COL5A1: variants seen among roughly 807,000 people sequenced by gnomAD.
The protein encoded by COL5A1 is collagen type V alpha 1 chain.
COL5A1 carries 16 observed loss-of-function variants against 263.7 expected under a neutral mutation model. The observed-to-expected ratio is 0.06, with a 90% confidence interval of 0.04 to 0.09. The LOEUF (loss-of-function observed/expected upper bound fraction) is 0.09. Among genes scored for constraint, COL5A1 ranks in the 10% least tolerant of loss-of-function variants. COL5A1 has a pLI of 1.00. For missense variants in COL5A1, 2,036 were observed against 2,540.5 expected (o/e 0.80, Z 4.27); for synonymous variants, 1,012 against 1,004.5 (o/e 1.01, Z -0.14).
At chr9:134,781,400 G>A (rs998784678) in intron 28 of COL5A1, among the ~76,000 whole-genome samples, 2 of 152,240 alleles carry the variant, frequency 1.3e-5, no homozygotes, top group South Asian at 2.1e-4. Context: ...CGTGGAGCCC[G>A]TCGGGGCTTC....
intron 1 of COL5A1, among the ~76,000 whole-genome samples, chr9:134,679,301 G>A (rs1231644400): frequency 1.4e-5 from 2 of 147,008 alleles, no homozygotes; most frequent in Non-Finnish European, 3.0e-5. Flanking sequence ...CTGGTTGGGG[G>A]TACTGTGGGG....
chr9:134,825,717 AC>A, intron 62 of COL5A1, 74 bp from the exon 63 acceptor site: 6 of 943,644 alleles, frequency 6.4e-6, no homozygotes, highest in Non-Finnish European at 1.0e-5. Flanking sequence ...CTGAAATGTC[AC>A]AGCGGCTTCC....
chr9:134,790,043 T>C (rs1837613487), intron 32 of COL5A1, among the ~76,000 whole-genome samples: 1 of 152,152 alleles, frequency 6.6e-6, no homozygotes, highest in Non-Finnish European at 1.5e-5. Context: ...ACCTGCCTTG[T>C]AGCCCCAGCC....
At chr9:134,725,159 G>T (rs1834602040) in intron 4 of COL5A1, among the ~76,000 whole-genome samples, 1 of 152,144 alleles carries the variant, frequency 6.6e-6, no homozygotes, top group African/African-American at 2.4e-5. Context: ...GGTCCTCCAA[G>T]TTCTTTTCCC....
chr9:134,710,044 G>A (rs529767031), intron 4 of COL5A1, among the ~76,000 whole-genome samples: 179 of 152,304 alleles, frequency 1.2e-3, no homozygotes, highest in African/African-American at 3.2e-3. Context: ...CTTTAGCACC[G>A]TGGCCAAGGG....
At chr9:134,809,343 TG>T in intron 43 of COL5A1, 53 bp downstream of exon 43, 1 of 1,364,642 alleles carries the variant, frequency 7.3e-7, no homozygotes, top group Non-Finnish European at 1.0e-6. Context: ...CAGACGGGTG[TG>T]GGGGAGGGTG....
At chr9:134,654,106 G>T (rs1831800819) in intron 1 of COL5A1, among the ~76,000 whole-genome samples, 1 of 139,286 alleles carries the variant, frequency 7.2e-6, no homozygotes, top group African/African-American at 2.7e-5. Context: ...AGGACTGGGA[G>T]TGTGTAGGGC....
chr9:134,737,591 C>T (rs1476466608), intron 9 of COL5A1, among the ~76,000 whole-genome samples: 1 of 152,230 alleles, frequency 6.6e-6, no homozygotes, highest in African/African-American at 2.4e-5. Context: ...ACACGGAGGA[C>T]TCTTGGGGCA....
chr9:134,692,112 G>A (rs977548953), intron 2 of COL5A1, among the ~76,000 whole-genome samples: 2 of 152,198 alleles, frequency 1.3e-5, no homozygotes, highest in Non-Finnish European at 2.9e-5. Flanking sequence ...GAGAGAATCT[G>A]GGCAGTTCTT....
In COL5A1 at chr9:134,658,556, C is replaced by G. The variant is rs186302036; in HGVS notation, c.109+16260C>G. Reference sequence around the variant, plus strand: ...CCCCTTCCTGCAGCTAGGGCCTGGCCGATTACAAACAGCTGCCTAGCCCTC... The same window carrying G: ...CCCCTTCCTGCAGCTAGGGCCTGGCGGATTACAAACAGCTGCCTAGCCCTC... On this transcript the variant is annotated intron_variant, in intron 1 of 65. Transcript: ENST00000371817. Among the ~76,000 whole-genome samples, 81 of 152,296 alleles carry G rather than the reference C, an allele frequency of 5.3e-4. No individual in the cohort carries two copies. In the East Asian group the frequency reaches 0.01, roughly 19 times the overall value.
At chr9:134,814,389 C>G (rs751342727) in intron 49 of COL5A1, among the ~76,000 whole-genome samples, 9 of 152,206 alleles carry the variant, frequency 5.9e-5, no homozygotes, top group Non-Finnish European at 7.3e-5. Context: ...TGAATGTTCA[C>G]TATGAGGCCA....
At chr9:134,800,654 AGAATCGCTT>A (rs1230492011) in intron 37 of COL5A1, among the ~76,000 whole-genome samples, 1 of 149,580 alleles carries the variant, frequency 6.7e-6, no homozygotes, top group East Asian at 2.0e-4. Context: ...CTGAGGCAGG[AGAATCGCTT>A]GAATCCGGGA....
At position 134,794,912 on chromosome 9, in the gene COL5A1, C is replaced by A. The variant is rs556953389; in HGVS notation, c.2701-170C>A. On this transcript the variant is annotated intron_variant, in intron 32 of 65. Transcript: ENST00000371817. The surrounding 1 kb of genome is among the most constrained non-coding windows in gnomAD (Gnocchi z 4.3). ...TGTGTCGGGTGTGCGGTGAGCTTCT[C>A]GCCCTGATAAATCTCCTATTAAAAC... 6.6e-5 allele frequency among the ~76,000 whole-genome samples: 10 copies of A among 152,172 alleles called. No homozygotes were observed. Among genetic ancestry groups the A allele is most frequent in the African/African-American group, 2.4e-4 (10 of 41,424 alleles).
rs77827838 is a variant in COL5A1 at position 134,754,715 on chromosome 9, G to T, written c.1827+389G>T. On this transcript the variant is annotated intron_variant, in intron 16 of 65. Coordinates refer to ENST00000371817, the MANE Select transcript of COL5A1 (RefSeq NM_000093.5). This position sits in a 1 kb window ranked among gnomAD's most constrained non-coding sequence, Gnocchi z 4.3. ...CGGGGGCATGGGCGGGCCTTCCTGC[G>T]CCTTACCTGCTGTCTTGCCTCCTGG... Among the ~76,000 whole-genome samples the T allele has an allele frequency of 0.024, 3,609 of 152,218 alleles. 143 individuals carry two copies. The highest frequency in any genetic ancestry group is 0.073 in the African/African-American group (3,051 of 41,514).
intron 36 of COL5A1, among the ~76,000 whole-genome samples, chr9:134,798,146 C>T (rs1006883732): frequency 1.1e-4 from 16 of 152,172 alleles, no homozygotes; most frequent in Middle Eastern, 3.2e-3. Context: ...TCTTATGCCT[C>T]GGTTTCTCCC....
At chr9:134,802,767 T>C in intron 38 of COL5A1, 121 bp from the exon 39 acceptor site, 3 of 768,748 alleles carry the variant, frequency 3.9e-6, no homozygotes, top group Non-Finnish European at 4.5e-6. Context: ...CTTGGAGGTT[T>C]GGTGTGCCCG....
At position 134,732,350 on chromosome 9, in the gene COL5A1, G is replaced by A. The variant is rs890621569; in HGVS notation, c.1389+223G>A. 3 of 637,674 alleles carry A rather than the reference G, an allele frequency of 4.7e-6. No individual in the cohort carries two copies. In the Admixed American group the frequency reaches 6.8e-5, roughly 14 times the overall value. 39.5% of individuals were successfully genotyped at this position (637,674 alleles called of 1,614,324 possible). On this transcript the variant is annotated intron_variant, in intron 9 of 65. Coordinates refer to ENST00000371817, the MANE Select transcript of COL5A1 (RefSeq NM_000093.5). ...GTTCTGGACTGTGATGGAGGGGGCG[G>A]GATAGGTGCTGATCAAAGCCGGTCC... is the stretch of plus-strand genomic sequence containing the variant.
intron 63 of COL5A1, 129 bp downstream of exon 63, chr9:134,826,033 G>GA: frequency 1.7e-6 from 1 of 598,306 alleles, no homozygotes; most frequent in Non-Finnish European, 3.0e-6. Context: ...CGTTTCATCA[G>GA]TGAAACTGTT....
chr9:134,811,533 T>C lies in COL5A1; in HGVS notation c.3624T>C (p.Leu1208=), dbSNP rs1226647701. The change falls in exon 46 of 66, where the codon CTT becomes CTC. Residue 1208 remains leucine, a synonymous_variant. Coordinates refer to ENST00000371817, the MANE Select transcript of COL5A1 (RefSeq NM_000093.5). ...GEPGPRGQQG[L]FGQKGDEGPR... ...CGGGGCCTCGGGGCCAGCAGGGCCT[T>C]TTCGGGCAGAAAGGTGATGAAGGTC... The C allele has an allele frequency of 6.3e-7, 1 of 1,599,082 alleles. No individual in the cohort carries two copies. Among genetic ancestry groups the C allele is most frequent in the African/African-American group, 1.3e-5 (1 of 74,518 alleles).
Sources: allele counts gnomAD v4.1 joint callset (sites outside exome capture counted in the v4.1 genomes callset), GRCh38; gene constraint gnomAD v4.1.1; non-coding constraint Gnocchi (gnomAD v3.1); transcripts MANE v1.5; gene names NCBI Gene and HGNC (gene_info 2026-07-23, HGNC 2026-07-21).